The following POLN variants were observed in gnomAD, a reference collection of about 807,000 sequenced individuals.
The protein encoded by POLN is DNA polymerase nu, also known as DNA polymerase N.
A neutral mutation model predicts 113.5 loss-of-function variants in POLN; 108 were observed. That is an observed-to-expected ratio of 0.95 (90% CI 0.81 to 1.12). The LOEUF (loss-of-function observed/expected upper bound fraction) is 1.12, where lower values mean the gene tolerates loss of function less well. Among genes scored for constraint, POLN ranks in the 50% most tolerant of loss-of-function variants. The pLI is 0.00. For synonymous variants in POLN, 386 were observed against 391.5 expected (o/e 0.99, Z 0.17); for missense variants, 1,097 against 1,077.1 (o/e 1.02, Z -0.26).
intron 7 of POLN, among the ~76,000 whole-genome samples, chr4:2,185,572 C>G (rs1733250395): frequency 6.6e-6 from 1 of 152,112 alleles, no homozygotes; most frequent in African/African-American, 2.4e-5. Context: ...ATGGTGAAAC[C>G]CCTCTCTACC....
rs1468522075 is a variant in POLN, at chr4:2,127,181, G to A, written c.1982+932C>T. Among the ~76,000 whole-genome samples, 3 of 151,586 alleles carry A rather than the reference G, an allele frequency of 2.0e-5. No homozygotes were observed. The highest frequency in any genetic ancestry group is 2.9e-5 in the Non-Finnish European group (2 of 67,880). ...GAGGGGTGAGGGGGCCGTAGGGGGA[G>A]CAGAAGAGGCCCAAGGTGATGGGGA... On this transcript the variant is annotated intron_variant, in intron 19 of 25. Coordinates refer to ENST00000511885, the MANE Select transcript of POLN (RefSeq NM_181808.4). The surrounding 1 kb of genome is among the most constrained non-coding windows in gnomAD (Gnocchi z 4.7).
Position 2,220,729 on chromosome 4 carries a change from T to G in POLN, c.134-7603A>C, listed in dbSNP as rs544795544. Among the ~76,000 whole-genome samples, 16 of 152,328 alleles carry G rather than the reference T, an allele frequency of 1.1e-4. No homozygotes were observed. In the East Asian group the frequency reaches 3.1e-3, roughly 29 times the overall value. On this transcript the variant is annotated intron_variant, in intron 3 of 25. Coordinates refer to ENST00000511885, the MANE Select transcript of POLN (RefSeq NM_181808.4). ...TAAACATTCCCTGTTCAAATTACTC[T>G]ACGGTTTCTGTCCCTTGACTGGACT...
chr4:2,220,535 A>G (rs1255327886), intron 3 of POLN, among the ~76,000 whole-genome samples: 1 of 152,214 alleles, frequency 6.6e-6, no homozygotes, highest in Non-Finnish European at 1.5e-5. Context: ...AACCTCTGAC[A>G]GTCTGAATCT....
chr4:2,198,716 G>C lies in POLN; in HGVS notation c.716C>G (p.Thr239Ser), dbSNP rs756457630. 6.2e-7 allele frequency: 1 copy of C among 1,600,938 alleles called. No individual in the cohort carries two copies. The highest frequency in any genetic ancestry group is 8.5e-7 in the Non-Finnish European group (1 of 1,173,586). Residue 239 changes from threonine to serine, a missense_variant and splice_region_variant, in exon 6 of 26, where the codon ACC becomes AGC. Transcript: ENST00000511885. ...DGSTQLGADQ[T>S]PVSSVRGIVV... The stretch of plus-strand genomic sequence containing the variant: ...AATTCCTCTAACAGAAGAAACGGGG[G>C]TCTGTGGAAACACAACAAAATAAAT...
intron 19 of POLN, among the ~76,000 whole-genome samples, chr4:2,096,641 G>C (rs961771070): frequency 1.0e-4 from 15 of 149,524 alleles, no homozygotes; most frequent in Non-Finnish European, 1.9e-4. Flanking sequence ...ATCTACACCA[G>C]GCCTCCCTGA....
At chr4:2,187,430 G>C (rs942894366) in intron 7 of POLN, among the ~76,000 whole-genome samples, 2 of 152,014 alleles carry the variant, frequency 1.3e-5, no homozygotes, top group African/African-American at 4.8e-5. Context: ...TTTTAGTAGA[G>C]ACAGGGTTTC....
At chr4:2,113,206 A>G (rs1422644620) in intron 19 of POLN, among the ~76,000 whole-genome samples, 5 of 134,224 alleles carry the variant, frequency 3.7e-5, no homozygotes, top group East Asian at 2.3e-4. Context: ...TGGACACAGG[A>G]AGGGGAACAT....
rs767567423 is a variant in POLN at position 2,072,209 on chromosome 4, G to T, written c.2608C>A (p.Arg870Ser). Residue 870 changes from arginine to serine, a missense_variant, in exon 26 of 26, where the codon CGC (arginine) becomes AGC (serine). Physicochemically the swap from Arg to Ser is moderately radical, Grantham distance 110. Coordinates refer to ENST00000511885, the MANE Select transcript of POLN (RefSeq NM_181808.4). ...AGGCTGTTGCTGGGAGACTCAGTGC[G>T]ACATGGGCCTGGCGGAGGGCCCCAG... ...EAWGPPPGPC[R>S]TESPSNSLAA... 1 of 1,608,374 alleles carries T rather than the reference G, an allele frequency of 6.2e-7. No individual in the cohort carries two copies. Among genetic ancestry groups the T allele is most frequent in the Non-Finnish European group, 8.5e-7 (1 of 1,176,772 alleles).
chr4:2,075,579 C>T, intron 23 of POLN, 60 bp from the exon 24 acceptor site: 1 of 1,582,144 alleles, frequency 6.3e-7, no homozygotes, highest in South Asian at 1.1e-5. Context: ...GGGCCACCAG[C>T]CTGGCAGGGA....
In POLN at chr4:2,208,075, C is replaced by A; in HGVS notation, c.626G>T (p.Ser209Ile). Reference sequence around the variant, plus strand: ...CTGTTTGAGCATTTCAATCAGCTGGCTTTTTGCCCAATCATCCAAATGCCT... The same window carrying A: ...CTGTTTGAGCATTTCAATCAGCTGGATTTTTGCCCAATCATCCAAATGCCT... Reference protein sequence around the residue: ...DIRHLDDWAKSQLIEMLKQAA... With the variant: ...DIRHLDDWAKIQLIEMLKQAA... The change falls in exon 5 of 26, where the codon AGC becomes ATC. Residue 209 changes from serine (S) to isoleucine (I), a missense_variant. By Grantham distance (142) the Ser-to-Ile change is moderately radical. Coordinates refer to ENST00000511885, the MANE Select transcript of POLN (RefSeq NM_181808.4). 1 of 1,614,170 alleles carries A rather than the reference C, an allele frequency of 6.2e-7. No homozygotes were observed. Among genetic ancestry groups the A allele is most frequent in the Non-Finnish European group, 8.5e-7 (1 of 1,180,018 alleles).
chr4:2,118,357 ATATATT>A (rs1731365696), intron 19 of POLN, among the ~76,000 whole-genome samples: 1 of 152,142 alleles, frequency 6.6e-6, no homozygotes, highest in Non-Finnish European at 1.5e-5. Flanking sequence ...AGAATCATCG[ATATATT>A]TAAATGTGCA....
At chr4:2,168,773 A>C (rs1013088409) in intron 13 of POLN, among the ~76,000 whole-genome samples, 1 of 152,240 alleles carries the variant, frequency 6.6e-6, no homozygotes, top group African/African-American at 2.4e-5. Context: ...AGCAAGACAG[A>C]TGCTGCTTCC....
chr4:2,153,268 G>A (rs910658785), intron 16 of POLN, among the ~76,000 whole-genome samples: 2 of 152,234 alleles, frequency 1.3e-5, no homozygotes, highest in African/African-American at 4.8e-5. Flanking sequence ...GGGCCTATAT[G>A]AGATTGCATA....
chr4:2,238,718 A>G, intron 2 of POLN: 1 of 1,613,624 alleles, frequency 6.2e-7, no homozygotes. Flanking sequence ...ACTTTGACTA[A>G]GTTCTTGAAC....
At chr4:2,078,952 C>A in intron 23 of POLN, 1 of 984,080 alleles carries the variant, frequency 1.0e-6, no homozygotes, top group African/African-American at 1.7e-5. Flanking sequence ...TTTTTTGAGG[C>A]AGGTTCTTGC....
rs914584020 is a variant in POLN at position 2,208,194 on chromosome 4, A to C, written c.507T>G (p.Ser169Arg). Residue 169 changes from serine (S) to arginine (R), a missense_variant, in exon 5 of 26, where the codon AGT becomes AGG. Transcript: ENST00000511885. ...TATCTTCTTCCAATGCCATTTGTTT[A>C]CTTGTTTTCTCTGACAAATTATTAT... is the stretch of plus-strand genomic sequence containing the variant. The part of the protein sequence containing the change: ...ITYNNLSEKT[S>R]KQMALEEDTD... The C allele has an allele frequency of 2.5e-6, 4 of 1,609,204 alleles. No individual in the cohort carries two copies. Among genetic ancestry groups the C allele is most frequent in the Non-Finnish European group, 3.4e-6 (4 of 1,175,830 alleles).
intron 19 of POLN, among the ~76,000 whole-genome samples, chr4:2,096,686 A>AAGAAAG (rs1730799516): frequency 7.7e-6 from 1 of 129,896 alleles, no homozygotes; most frequent in Non-Finnish European, 1.6e-5. Context: ...AGCCGAGAGA[A>AAGAAAG]AGAGAGAGAG....
chr4:2,135,271 G>T (rs971785800), intron 16 of POLN, among the ~76,000 whole-genome samples: 3 of 152,166 alleles, frequency 2.0e-5, no homozygotes, highest in Non-Finnish European at 4.4e-5. Context: ...GAAATCAGGA[G>T]ACAGGAAGCG....
chr4:2,202,003 T>TACA (rs1037419156), intron 5 of POLN, among the ~76,000 whole-genome samples: 1 of 152,090 alleles, frequency 6.6e-6, no homozygotes, highest in African/African-American at 2.4e-5. Flanking sequence ...AGGCCAGCAC[T>TACA]ACAACAACTG....
Sources: gnomAD v4.1 joint callset for allele counts (sites outside exome capture counted in the v4.1 genomes callset) on GRCh38, gnomAD v4.1.1 for gene constraint, Gnocchi (gnomAD v3.1) non-coding constraint, MANE v1.5 for transcripts, NCBI Gene and HGNC (gene_info 2026-07-23, HGNC 2026-07-21) for gene names.